PSG4: variants seen among roughly 807,000 people sequenced by gnomAD.
The protein encoded by PSG4 is pregnancy specific beta-1-glycoprotein 4.
Under a neutral mutation model 44.3 loss-of-function variants are expected in PSG4, and 61 were observed. The observed-to-expected ratio is 1.38, with a 90% confidence interval of 1.12 to 1.70. The LOEUF (loss-of-function observed/expected upper bound fraction) is 1.70, where lower values mean the gene tolerates loss of function less well. PSG4 is among the 40% of genes most tolerant of loss of function. The pLI is 0.00. For missense variants in PSG4, 677 were observed against 511.7 expected (o/e 1.32, Z -3.12); for synonymous variants, 248 against 191.3 (o/e 1.30, Z -2.45).
intron 1 of PSG4, chr19:43,204,847 A>G: frequency 2.4e-6 from 1 of 424,188 alleles, no homozygotes; most frequent in African/African-American, 2.4e-5. Flanking sequence ...CCAATTGTTG[A>G]GGTTTCTTGC....
rs1967329789 is a variant in PSG4, at chr19:43,198,040, T to C, written c.666A>G (p.Pro222=). The C allele has an allele frequency of 5.7e-6, 9 of 1,587,744 alleles. 1 individual carries two copies. The East Asian group carries it at 2.4e-4, about 42-fold the overall frequency. ...AGPYECEIRN[P]VSASRSDPVT... Reference sequence around the variant, plus strand: ...CTGGGTCACTGCGGCTGGCACTCACTGGGTTCCGTATTTCACATTCATAGG... The same window carrying C: ...CTGGGTCACTGCGGCTGGCACTCACCGGGTTCCGTATTTCACATTCATAGG... The change falls in exon 3 of 6, where the codon CCA becomes CCG. Residue 222 remains proline (P), a synonymous_variant. Transcript: ENST00000405312.
In PSG4 at chr19:43,195,377, G is replaced by A. The variant is rs542273459; in HGVS notation, c.710-104C>T. 105 of 1,506,572 alleles carry A rather than the reference G, an allele frequency of 7.0e-5. 1 individual carries two copies. In the South Asian group the frequency reaches 1.2e-3, roughly 18 times the overall value. The allele number at this position is 1,506,572 out of a possible 1,614,324, so 93.3% of individuals were successfully genotyped here. The stretch of plus-strand genomic sequence containing the variant: ...ATCTCCCACCTCTCAGCCCACCCGA[G>A]TCCTTGAAAGCCAATAGCTGGTGCT... On this transcript the variant is annotated intron_variant, in intron 3 of 5. Transcript: ENST00000405312.
rs1291144662 is a variant in PSG4 at position 43,192,935 on chromosome 19, A to G, written c.*437T>C. The G allele has an allele frequency of 2.4e-6, 1 of 419,738 alleles. No individual in the cohort carries two copies. Among genetic ancestry groups the G allele is most frequent in the Non-Finnish European group, 4.3e-6 (1 of 232,478 alleles). The allele number at this position is 419,738 out of a possible 1,614,324, so 26.0% of individuals were successfully genotyped here. On this transcript the variant is annotated 3_prime_UTR_variant, in exon 6 of 6. Transcript: ENST00000405312. Reference sequence around the variant, plus strand: ...CTGTATGCAAGATGGAGAGAGCCACATTTCCCCTGAGATGTTACGTAAAAG... The same window carrying G: ...CTGTATGCAAGATGGAGAGAGCCACGTTTCCCCTGAGATGTTACGTAAAAG...
In PSG4 at chr19:43,205,525, G is replaced by C. The variant is rs570602757; in HGVS notation, c.12C>G (p.Leu4=). ...TGCGCTGTGTGCAGGGAGGGGCTGA[G>C]AGGGGCCCCATGGTCTCTGCTGCTT... MGP[L]SAPPCTQRIT... Residue 4 remains leucine (L), a synonymous_variant, in exon 1 of 6, where the codon CTC becomes CTG. Coordinates refer to ENST00000405312, the MANE Select transcript of PSG4 (RefSeq NM_002780.5). 5 of 1,556,130 alleles carry C rather than the reference G, an allele frequency of 3.2e-6. No homozygotes were observed. The Admixed American group carries it at 8.7e-5, about 27-fold the overall frequency.
At position 43,204,178 on chromosome 19, in the gene PSG4, A is replaced by G. The variant is rs376991236; in HGVS notation, c.138T>C (p.Ser46=). Residue 46 remains serine (S), a synonymous_variant, in exon 2 of 6, where the codon TCT becomes TCC. Transcript: ENST00000405312. The stretch of plus-strand genomic sequence containing the variant: ...CAAGTAGAAGAACATCCTTCCCCTC[A>G]GAAACTTTGGGTGGCTGGGCTTCAA... ...VTIEAQPPKV[S]EGKDVLLLVH... is the part of the protein sequence containing the mutation. 19 of 1,586,324 alleles carry G rather than the reference A, an allele frequency of 1.2e-5. 4 individuals carry two copies. The East Asian group carries it at 1.3e-4, about 11-fold the overall frequency.
intron 2 of PSG4, among the ~76,000 whole-genome samples, chr19:43,201,608 C>A (rs1967512010): frequency 6.9e-6 from 1 of 144,810 alleles, no homozygotes; most frequent in Non-Finnish European, 1.5e-5. Flanking sequence ...GATCATTTCC[C>A]TCCGCCCGCA....
chr19:43,194,857 G>T lies in PSG4; in HGVS notation c.988+138C>A, dbSNP rs139631615. The T allele has an allele frequency of 2.4e-3, 3,638 of 1,515,486 alleles. 77 individuals carry two copies. The highest frequency in any genetic ancestry group is 2.4e-3 in the Non-Finnish European group (2,693 of 1,132,526). 93.9% of individuals were successfully genotyped at this position (1,515,486 alleles called of 1,614,324 possible). ...CTGTGCCTACCTAGGTTTTCCCAGG[G>T]CAGGGAGTCATGGCCACCTCGGATG... On this transcript the variant is annotated intron_variant, in intron 4 of 5. Transcript: ENST00000405312.
intron 3 of PSG4, chr19:43,196,595 G>C (rs922917527): frequency 9.2e-5 from 14 of 151,510 alleles, no homozygotes; most frequent in Non-Finnish European, 1.6e-4. Flanking sequence ...GTAGGCAAAA[G>C]TGGGAGGTGA....
Position 43,193,208 on chromosome 19 carries a change from A to T in PSG4, c.*164T>A. ...TTGAGTAGCTGTTGTTATGGTGTCG[A>T]ACATTTTGGTGAGTTCTGAGTGGCT... On this transcript the variant is annotated 3_prime_UTR_variant, in exon 6 of 6. Coordinates refer to ENST00000405312, the MANE Select transcript of PSG4 (RefSeq NM_002780.5). 1.3e-6 allele frequency: 1 copy of T among 761,400 alleles called. No individual in the cohort carries two copies. Among genetic ancestry groups the T allele is most frequent in the Non-Finnish European group, 2.4e-6 (1 of 415,886 alleles). 47.2% of individuals were successfully genotyped at this position (761,400 alleles called of 1,614,324 possible).
rs57230870 is a variant in PSG4 at position 43,201,819 on chromosome 19, T to TTGTGTGTGTGTG, written c.430+2055_430+2066dup. Among the ~76,000 whole-genome samples the TTGTGTGTGTGTG allele has an allele frequency of 5.5e-4, 77 of 139,434 alleles. 3 individuals carry two copies. Among genetic ancestry groups the TTGTGTGTGTGTG allele is most frequent in the South Asian group, 1.1e-3 (5 of 4,420 alleles). The allele number at this position is 139,434 out of a possible 152,430, so 91.5% of individuals were successfully genotyped here. ...ACTAGAAACCAACATTTCAATAATT[T>TTGTGTGTGTGTG]TGTGTGTGTGTGTGTGTGTGTGCAG... On this transcript the variant is annotated intron_variant, in intron 2 of 5. Coordinates refer to ENST00000405312, the MANE Select transcript of PSG4 (RefSeq NM_002780.5).
Position 43,197,188 on chromosome 19 carries a change from C to A in PSG4, c.709+809G>T, listed in dbSNP as rs192198445. Among the ~76,000 whole-genome samples the A allele has an allele frequency of 2.3e-4, 34 of 145,296 alleles. 5 individuals are homozygous for A. The East Asian group carries it at 5.7e-3, about 24-fold the overall frequency. On this transcript the variant is annotated intron_variant, in intron 3 of 5. Coordinates refer to ENST00000405312, the MANE Select transcript of PSG4 (RefSeq NM_002780.5). ...AATGACCTAGAAAGAGTGAAGGGGACAGGCAAAAGCTGGTGGTTTTGGAGC... is the reference window on the plus strand; with the variant it reads ...AATGACCTAGAAAGAGTGAAGGGGAAAGGCAAAAGCTGGTGGTTTTGGAGC...
rs574553764 is a variant in PSG4 at position 43,201,449 on chromosome 19, A to G, written c.430+2437T>C. Among the ~76,000 whole-genome samples, 2 of 145,288 alleles carry G rather than the reference A, an allele frequency of 1.4e-5. 1 individual carries two copies. Among genetic ancestry groups the G allele is most frequent in the African/African-American group, 5.3e-5 (2 of 37,882 alleles). On this transcript the variant is annotated intron_variant, in intron 2 of 5. Coordinates refer to ENST00000405312, the MANE Select transcript of PSG4 (RefSeq NM_002780.5). ...TTTGTAACTAATTGCTCCTATAGAT[A>G]ACATCACTATTGTAGAACGCGAGAC...
In PSG4 at chr19:43,194,514, C is replaced by G; in HGVS notation, c.1069G>C (p.Glu357Gln). ...GAATATTGTGCCCGTGGGTTAGACT[C>G]GGCGAAGCAGGACAAGTAGAGGTTT... ...GENLYLSCFA[E>Q]SNPRAQYSWT... The change falls in exon 5 of 6, where the codon GAG (glutamate) becomes CAG (glutamine). Residue 357 changes from glutamate (E) to glutamine (Q), a missense_variant. Transcript: ENST00000405312. 1 of 1,612,438 alleles carries G rather than the reference C, an allele frequency of 6.2e-7. No individual in the cohort carries two copies. Among genetic ancestry groups the G allele is most frequent in the South Asian group, 1.1e-5 (1 of 91,030 alleles).
At position 43,203,885 on chromosome 19, in the gene PSG4, C is replaced by T. The variant is rs201083946; in HGVS notation, c.430+1G>A. 78 of 1,576,438 alleles carry T rather than the reference C, an allele frequency of 4.9e-5. 7 individuals carry two copies. The highest frequency in any genetic ancestry group is 1.1e-4 in the East Asian group (4 of 37,450). On this transcript the variant is annotated splice_donor_variant, in intron 2 of 5. Transcript: ENST00000405312. LOFTEE classifies it high-confidence loss of function. Reference sequence around the variant, plus strand: ...CCCAGGGATCATGTGGAATCACTCACGGTGTAAGGTGAAGGTGAAATGTCC... The same window carrying T: ...CCCAGGGATCATGTGGAATCACTCATGGTGTAAGGTGAAGGTGAAATGTCC...
At chr19:43,196,487 T>G (rs889896880) in intron 3 of PSG4, 14 of 151,670 alleles carry the variant, frequency 9.2e-5, no homozygotes, top group African/African-American at 2.2e-4. Context: ...TTTTTTATTC[T>G]GAAATATTTG....
At chr19:43,195,473 AG>A (rs1483055076) in intron 3 of PSG4, among the ~76,000 whole-genome samples, 200 bp from the exon 4 acceptor site, 1 of 151,328 alleles carries the variant, frequency 6.6e-6, no homozygotes, top group African/African-American at 2.4e-5. Context: ...TGTTTTAGGG[AG>A]GCACAGACTT....
In PSG4 at chr19:43,197,998, G is replaced by T. The variant is rs1480614897; in HGVS notation, c.708C>A (p.Leu236=). ...SRSDPVTLNL[L]PKLSKPYITI... is the part of the protein sequence containing the mutation. ...CACAGAGGAACAGAGGATACTCACGGAGGAGATTCAGGGTGACTGGGTCAC... is the reference window on the plus strand; with the variant it reads ...CACAGAGGAACAGAGGATACTCACGTAGGAGATTCAGGGTGACTGGGTCAC... Residue 236 remains leucine (L), a splice_region_variant and synonymous_variant, in exon 3 of 6, where the codon CTC becomes CTA. Coordinates refer to ENST00000405312, the MANE Select transcript of PSG4 (RefSeq NM_002780.5). The T allele has an allele frequency of 1.3e-6, 2 of 1,587,968 alleles. No homozygotes were observed. The highest frequency in any genetic ancestry group is 1.7e-5 in the Admixed American group (1 of 58,440).
At position 43,193,794 on chromosome 19, in the gene PSG4, T is replaced by A. The variant is rs1436183030; in HGVS notation, c.1244-406A>T. ...CATCCCAGTCAAAGCCTTGGTAATATAACCAATGATTTGAAATGTGTCCTG... is the reference window on the plus strand; with the variant it reads ...CATCCCAGTCAAAGCCTTGGTAATAAAACCAATGATTTGAAATGTGTCCTG... On this transcript the variant is annotated intron_variant, in intron 5 of 5. Transcript: ENST00000405312. The A allele has an allele frequency of 2.2e-5, 12 of 539,050 alleles. 1 individual carries two copies. Among genetic ancestry groups the A allele is most frequent in the Admixed American group, 3.8e-5 (1 of 26,650 alleles). The allele number at this position is 539,050 out of a possible 1,614,324, so 33.4% of individuals were successfully genotyped here.
At chr19:43,195,878 G>C (rs1183030125) in intron 3 of PSG4, among the ~76,000 whole-genome samples, 4 of 150,254 alleles carry the variant, frequency 2.7e-5, no homozygotes, top group African/African-American at 4.9e-5. Context: ...TGTTTTGCAG[G>C]TGTTTCATGA....
Sources: gnomAD v4.1 joint callset for allele counts (sites outside exome capture counted in the v4.1 genomes callset) on GRCh38, gnomAD v4.1.1 for gene constraint, MANE v1.5 for transcripts, NCBI Gene and HGNC (gene_info 2026-07-23, HGNC 2026-07-21) for gene names.